WLS: variants seen among roughly 807,000 people sequenced by gnomAD.
WLS encodes the protein protein wntless homolog.
In WLS, 23 loss-of-function variants were observed where a neutral mutation model predicts 62.8. The observed-to-expected ratio is 0.37, with a 90% CI of 0.26 to 0.52. The LOEUF (loss-of-function observed/expected upper bound fraction) is 0.52. Among genes scored for constraint, WLS ranks in the 20% least tolerant of loss-of-function variants. WLS has a pLI of 0.92. For synonymous variants in WLS, 246 were observed against 244.1 expected (o/e 1.01, Z -0.07); for missense variants, 615 against 697.3 (o/e 0.88, Z 1.33).
intron 2 of WLS, among the ~76,000 whole-genome samples, chr1:68,171,184 T>C (rs2100541025): frequency 6.6e-6 from 1 of 152,262 alleles, no homozygotes; most frequent in South Asian, 2.1e-4. Flanking sequence ...TCGCACAAGA[T>C]TGGATGTAAA....
At chr1:68,189,664 G>T (rs1168665022) in intron 2 of WLS, among the ~76,000 whole-genome samples, 1 of 152,104 alleles carries the variant, frequency 6.6e-6, no homozygotes, top group Non-Finnish European at 1.5e-5. Context: ...AAAAATGGCT[G>T]AATTTCAGCA....
At chr1:68,215,580 T>A (rs1649693515) in intron 1 of WLS, among the ~76,000 whole-genome samples, 1 of 152,130 alleles carries the variant, frequency 6.6e-6, no homozygotes, top group Non-Finnish European at 1.5e-5. Context: ...TTCACAAAAG[T>A]GAATTTACTA....
chr1:68,164,625 T>A (rs756417509), intron 2 of WLS, among the ~76,000 whole-genome samples: 1 of 152,084 alleles, frequency 6.6e-6, no homozygotes. Context: ...CCTACACTCC[T>A]ATAGAGGGGA....
At chr1:68,186,330 A>G (rs1344424320) in intron 2 of WLS, among the ~76,000 whole-genome samples, 1 of 152,214 alleles carries the variant, frequency 6.6e-6, no homozygotes, top group Non-Finnish European at 1.5e-5. Context: ...GAAGTCATTT[A>G]AAATATGTAG....
chr1:68,204,217 A>G (rs190990742), intron 1 of WLS, among the ~76,000 whole-genome samples: 24 of 152,322 alleles, frequency 1.6e-4, no homozygotes, highest in Admixed American at 3.9e-4. Context: ...ATTCAAAGAA[A>G]ACACAGGCCC....
At chr1:68,112,569 A>G (rs1646242102) in intron 11 of WLS, among the ~76,000 whole-genome samples, 1 of 152,160 alleles carries the variant, frequency 6.6e-6, no homozygotes, top group Non-Finnish European at 1.5e-5. Flanking sequence ...GTGAAGTTGC[A>G]TCTCCACACT....
At chr1:68,098,563 A>G (rs1412000653) in exon 12 of WLS, 16 of 1,592,478 alleles carry the variant, frequency 1.0e-5, no homozygotes, top group Non-Finnish European at 1.0e-5. Flanking sequence ...GTGTGCGTAT[A>G]CAAGTACAAT....
chr1:68,098,575 A>G, exon 12 of WLS: 1 of 1,602,998 alleles, frequency 6.2e-7, no homozygotes, highest in South Asian at 1.1e-5. Flanking sequence ...AAGTACAATC[A>G]ATGTGACTGT....
At chr1:68,161,937 G>A in intron 2 of WLS, 1 of 1,610,700 alleles carries the variant, frequency 6.2e-7, no homozygotes, top group Non-Finnish European at 8.5e-7. Context: ...GCGGATATCT[G>A]TATGTGGCAC....
chr1:68,227,837 A>G (rs1159990101), intron 1 of WLS, among the ~76,000 whole-genome samples: 1 of 152,220 alleles, frequency 6.6e-6, no homozygotes, highest in Admixed American at 6.5e-5. Context: ...ATTAAAAGAA[A>G]TGCAACAAGC....
At chr1:68,162,995 G>A in intron 2 of WLS, 6 of 1,592,450 alleles carry the variant, frequency 3.8e-6, no homozygotes, top group Non-Finnish European at 4.3e-6. Context: ...CCAGGGGGCA[G>A]GAGTGCAGGG....
chr1:68,185,686 A>C (rs922743507), intron 2 of WLS, among the ~76,000 whole-genome samples: 2 of 152,122 alleles, frequency 1.3e-5, no homozygotes, highest in African/African-American at 4.8e-5. Context: ...CTGTGGAAAA[A>C]GTGTCTTCCA....
At chr1:68,160,899 C>T (rs375528875) in intron 2 of WLS, among the ~76,000 whole-genome samples, 1 of 152,098 alleles carries the variant, frequency 6.6e-6, no homozygotes, top group Non-Finnish European at 1.5e-5. Context: ...ATCTGAAGTG[C>T]TCTTGTATAA....
chr1:68,124,053 C>G (rs1338373292), downstream of WLS, among the ~76,000 whole-genome samples: 1 of 152,192 alleles, frequency 6.6e-6, no homozygotes, highest in African/African-American at 2.4e-5. Context: ...GAAACCCCAC[C>G]CATTCCCTTC....
chr1:68,102,465 C>T (rs942098196), intron 11 of WLS, among the ~76,000 whole-genome samples: 6 of 152,132 alleles, frequency 3.9e-5, no homozygotes, highest in African/African-American at 1.4e-4. Flanking sequence ...TTGAGGCATG[C>T]ATCTGACCTC....
chr1:68,107,903 G>T (rs1449674519), intron 11 of WLS, among the ~76,000 whole-genome samples: 3 of 152,034 alleles, frequency 2.0e-5, no homozygotes, highest in South Asian at 4.2e-4. Context: ...CAGAAGAGAA[G>T]CACACTCCCC....
chr1:68,210,491 A>T (rs1649468704), intron 1 of WLS, among the ~76,000 whole-genome samples: 1 of 152,230 alleles, frequency 6.6e-6, no homozygotes, highest in Non-Finnish European at 1.5e-5. Context: ...AAGAACATTT[A>T]ACCATCGTAA....
chr1:68,209,788 A>C (rs1442752563), intron 1 of WLS, among the ~76,000 whole-genome samples: 1 of 152,164 alleles, frequency 6.6e-6, no homozygotes, highest in Non-Finnish European at 1.5e-5. Flanking sequence ...TTTCAAAAAA[A>C]AAAAAGAAGT....
At chr1:68,102,129 G>C (rs1033974) in intron 11 of WLS, among the ~76,000 whole-genome samples, 79,223 of 151,930 alleles carry the variant, frequency 0.52, 23,190 homozygotes, top group Non-Finnish European at 0.65. Flanking sequence ...ATATGCCTTT[G>C]GTATTCCATT....
Sources: allele counts gnomAD v4.1 joint callset (sites outside exome capture counted in the v4.1 genomes callset), GRCh38; gene constraint gnomAD v4.1.1; transcripts MANE v1.5; gene names NCBI Gene and HGNC (gene_info 2026-07-23, HGNC 2026-07-21).